Variants in TMOD2 observed in about 807,000 individuals in gnomAD.
TMOD2 encodes tropomodulin 2.
A neutral mutation model predicts 39.9 loss-of-function variants in TMOD2; 22 were observed. The ratio of observed to expected loss-of-function variants is 0.55; its 90% CI spans 0.39 to 0.79. The LOEUF (loss-of-function observed/expected upper bound fraction) is 0.79. TMOD2 is among the 30% of genes least tolerant of loss of function. The pLI is 0.00. For missense variants in TMOD2, 386 were observed against 413.3 expected (o/e 0.93, Z 0.57); for synonymous variants, 123 against 146.1 (o/e 0.84, Z 1.14).
chr15:51,752,036 G>A (rs1258824458), intron 1 of TMOD2, among the ~76,000 whole-genome samples: 1 of 151,826 alleles, frequency 6.6e-6, no homozygotes, highest in African/African-American at 2.4e-5. Context: ...GTCCTCCCGG[G>A]CTGCGGGGCT....
In TMOD2 at chr15:51,761,446, G is replaced by A. The variant is rs113191147; in HGVS notation, c.-69-4927G>A. ...TCCAGCAATAGAAATCCAAATAGAG[G>A]CTGGGCACTGTGGCTCATGCCTGTA... On this transcript the variant is annotated intron_variant, in intron 1 of 9. Transcript: ENST00000249700. Among the ~76,000 whole-genome samples, 1,418 of 152,238 alleles carry A rather than the reference G, an allele frequency of 9.3e-3. 15 individuals are homozygous for A. Among genetic ancestry groups the A allele is most frequent in the African/African-American group, 0.019 (778 of 41,526 alleles).
intron 7 of TMOD2, among the ~76,000 whole-genome samples, chr15:51,786,057 T>C (rs145375774): frequency 6.6e-6 from 1 of 152,134 alleles, no homozygotes; most frequent in Non-Finnish European, 1.5e-5. Flanking sequence ...CATATATATA[T>C]TCATTTATAT....
intron 1 of TMOD2, among the ~76,000 whole-genome samples, chr15:51,763,442 C>T (rs2055795370): frequency 6.6e-6 from 1 of 152,178 alleles, no homozygotes; most frequent in South Asian, 2.1e-4. Context: ...CATTTTAGAT[C>T]ACTATTTTAC....
At chr15:51,761,905 T>G (rs946495632) in intron 1 of TMOD2, among the ~76,000 whole-genome samples, 1 of 152,000 alleles carries the variant, frequency 6.6e-6, no homozygotes, top group Admixed American at 6.6e-5. Context: ...CCCAGCACTT[T>G]GGGAGGCCGA....
At chr15:51,797,590 G>A (rs2056059665) in intron 7 of TMOD2, among the ~76,000 whole-genome samples, 1 of 152,056 alleles carries the variant, frequency 6.6e-6, no homozygotes, top group Admixed American at 6.6e-5. Flanking sequence ...TCTTCCTGGT[G>A]GTGGGAAACT....
intron 8 of TMOD2, among the ~76,000 whole-genome samples, chr15:51,802,125 C>T (rs906617308): frequency 3.3e-5 from 5 of 151,788 alleles, no homozygotes; most frequent in Non-Finnish European, 7.4e-5. Context: ...GTGTATGTTA[C>T]ATTAATTCCT....
At chr15:51,755,123 G>C (rs140416510) in intron 1 of TMOD2, among the ~76,000 whole-genome samples, 10 of 152,158 alleles carry the variant, frequency 6.6e-5, no homozygotes, top group Non-Finnish European at 1.5e-4. Flanking sequence ...GTCCTTTGTT[G>C]TATACTATGA....
intron 7 of TMOD2, among the ~76,000 whole-genome samples, chr15:51,795,954 C>G (rs2056048951): frequency 7.6e-6 from 1 of 131,968 alleles, no homozygotes; most frequent in South Asian, 2.7e-4. Flanking sequence ...TCTTGTGGGG[C>G]AGGGAGGAAA....
At chr15:51,762,961 G>T (rs2055791468) in intron 1 of TMOD2, among the ~76,000 whole-genome samples, 1 of 152,002 alleles carries the variant, frequency 6.6e-6, no homozygotes, top group Non-Finnish European at 1.5e-5. Context: ...TTAGGGACAG[G>T]GTCTTATTCT....
chr15:51,806,227 A>C (rs2056120486), intron 8 of TMOD2, 150 bp from the exon 9 acceptor site: 1 of 763,536 alleles, frequency 1.3e-6, no homozygotes, highest in African/African-American at 1.8e-5. Flanking sequence ...CTGTGAGAGA[A>C]AACTTCTCAA....
intron 7 of TMOD2, among the ~76,000 whole-genome samples, chr15:51,795,538 T>C (rs2056042551): frequency 6.6e-6 from 1 of 151,990 alleles, no homozygotes; most frequent in Non-Finnish European, 1.5e-5. Flanking sequence ...TTTTTCTCCT[T>C]AATTATTTGA....
intron 1 of TMOD2, among the ~76,000 whole-genome samples, chr15:51,761,296 GGACTCAGAAAAAAAAGTGGGA>G (rs1441448086): frequency 6.6e-6 from 1 of 152,096 alleles, no homozygotes; most frequent in African/African-American, 2.4e-5. Context: ...CTGACCGGCT[GGACTCAGAAAAAAAAGTGGGA>G]GAGTCTGAAG....
At chr15:51,787,995 A>G (rs2055982597) in intron 7 of TMOD2, among the ~76,000 whole-genome samples, 1 of 152,210 alleles carries the variant, frequency 6.6e-6, no homozygotes, top group Non-Finnish European at 1.5e-5. Context: ...AACTGGACAG[A>G]GAATGAGTTT....
rs1310076889 is a variant in TMOD2, at chr15:51,810,323, A to G, written c.*1869A>G. 1 of 152,242 alleles carries G rather than the reference A, an allele frequency of 6.6e-6. No homozygotes were observed. The highest frequency in any genetic ancestry group is 2.4e-5 in the African/African-American group (1 of 41,466). The allele number at this position is 152,242 out of a possible 1,614,324, so 9.4% of individuals were successfully genotyped here. A position where few individuals can be genotyped will look rare whatever the true frequency, so the allele number is the denominator to read the frequency against. On this transcript the variant is annotated 3_prime_UTR_variant, in exon 10 of 10. Coordinates refer to ENST00000249700, the MANE Select transcript of TMOD2 (RefSeq NM_014548.4). ...AATGAATTATATTAAGGACAGAAGT[A>G]ACAAATACTGTACTCAAAAATCTTA...
At chr15:51,795,434 A>AG (rs1435019057) in intron 7 of TMOD2, among the ~76,000 whole-genome samples, 5 of 151,450 alleles carry the variant, frequency 3.3e-5, no homozygotes, top group Admixed American at 6.6e-5. Context: ...GTCTCAAAAA[A>AG]AAAAAAAAAA....
At chr15:51,801,220 C>CTG (rs2056084993) in intron 8 of TMOD2, among the ~76,000 whole-genome samples, 1 of 71,798 alleles carries the variant, frequency 1.4e-5, no homozygotes, top group Non-Finnish European at 3.0e-5. Context: ...CTCTCTCCCT[C>CTG]TCTCTCTCTC....
intron 8 of TMOD2, 98 bp downstream of exon 8, chr15:51,798,438 G>C (rs376407073): frequency 1.1e-5 from 16 of 1,406,338 alleles, no homozygotes; most frequent in Admixed American, 5.0e-5. Context: ...AGTTCTGTGT[G>C]TGACTCAATT....
intron 1 of TMOD2, among the ~76,000 whole-genome samples, chr15:51,756,872 A>G (rs182825087): frequency 6.6e-6 from 1 of 152,358 alleles, no homozygotes; most frequent in African/African-American, 2.4e-5. Context: ...AAAATAAAAC[A>G]AACTTAATTG....
intron 8 of TMOD2, among the ~76,000 whole-genome samples, chr15:51,804,601 C>T (rs691738): frequency 0.64 from 96,666 of 150,898 alleles, 31,526 homozygotes; most frequent in East Asian, 1. Context: ...TGAGATGGAG[C>T]CTACTCTGTC....
Sources: gnomAD v4.1 joint callset for allele counts (sites outside exome capture counted in the v4.1 genomes callset) on GRCh38, gnomAD v4.1.1 for gene constraint, MANE v1.5 for transcripts, NCBI Gene and HGNC (gene_info 2026-07-23, HGNC 2026-07-21) for gene names.